Variants in CHRNA2 observed in about 807,000 individuals in gnomAD.
The protein encoded by CHRNA2 is cholinergic receptor nicotinic alpha 2 subunit, also known as neuronal acetylcholine receptor subunit alpha-2.
CHRNA2 carries 40 observed loss-of-function variants against 45.5 expected under a neutral mutation model. The observed-to-expected ratio is 0.88, with a 90% CI of 0.68 to 1.15. CHRNA2 has a LOEUF of 1.15. CHRNA2 is among the 50% of genes most tolerant of loss of function. CHRNA2 has a pLI of 0.00. For missense variants in CHRNA2, 655 were observed against 701.7 expected (o/e 0.93, Z 0.75); for synonymous variants, 301 against 296.7 (o/e 1.01, Z -0.15).
intron 1 of CHRNA2, among the ~76,000 whole-genome samples, chr8:27,472,996 A>G (rs1228013948): frequency 6.6e-6 from 1 of 152,208 alleles, no homozygotes; most frequent in Non-Finnish European, 1.5e-5. Context: ...TTCATATGAA[A>G]TGAATGTTTC....
At chr8:27,475,043 G>A (rs755985024) in intron 1 of CHRNA2, among the ~76,000 whole-genome samples, 1 of 152,180 alleles carries the variant, frequency 6.6e-6, no homozygotes, top group Non-Finnish European at 1.5e-5. Flanking sequence ...ATCTCTGGGC[G>A]CAGGAATTAG....
intron 3 of CHRNA2, 105 bp from the exon 4 acceptor site, chr8:27,469,484 A>G (rs896674589): frequency 1.0e-5 from 13 of 1,249,402 alleles, no homozygotes; most frequent in African/African-American, 1.5e-5. Flanking sequence ...AGGACACCCC[A>G]AGCCCAGCCC....
At chr8:27,473,529 C>CA (rs112339518) in intron 1 of CHRNA2, among the ~76,000 whole-genome samples, 3 of 123,328 alleles carry the variant, frequency 2.4e-5, no homozygotes, top group Non-Finnish European at 3.6e-5. Context: ...GTGAGACCCC[C>CA]CCCGCCGTCT....
intron 6 of CHRNA2, among the ~76,000 whole-genome samples, 199 bp downstream of exon 6, chr8:27,462,780 C>A (rs1812537160): frequency 6.6e-6 from 1 of 152,222 alleles, no homozygotes; most frequent in Admixed American, 6.5e-5. Flanking sequence ...GTGTAACATG[C>A]CACGTGCCAA....
chr8:27,466,209 G>A (rs2322580), intron 5 of CHRNA2, among the ~76,000 whole-genome samples: 1 of 151,912 alleles, frequency 6.6e-6, no homozygotes, highest in Admixed American at 6.6e-5. Context: ...GTGCAAGGGC[G>A]TAGTTCTGAC....
intron 1 of CHRNA2, among the ~76,000 whole-genome samples, chr8:27,472,490 G>C (rs1459892081): frequency 6.6e-6 from 1 of 152,198 alleles, no homozygotes; most frequent in Admixed American, 6.5e-5. Flanking sequence ...ACATCTTTGG[G>C]GGGTCACAGA....
chr8:27,474,068 C>G (rs1403372932), intron 1 of CHRNA2, among the ~76,000 whole-genome samples: 1 of 152,148 alleles, frequency 6.6e-6, no homozygotes, highest in South Asian at 2.1e-4. Context: ...CGGGAGCAAA[C>G]GGGATCACTT....
intron 1 of CHRNA2, among the ~76,000 whole-genome samples, chr8:27,476,549 T>C (rs1319899338): frequency 6.6e-6 from 1 of 152,242 alleles, no homozygotes; most frequent in Non-Finnish European, 1.5e-5. Flanking sequence ...TTTTTTTCTC[T>C]GCTCTCCGCA....
rs779197511 is a variant in CHRNA2, at chr8:27,463,543, G to A, written c.900C>T (p.Cys300=). The change falls in exon 6 of 7, where the codon TGC becomes TGT. Residue 300 remains cysteine (C), a synonymous_variant. Transcript: ENST00000407991. The surrounding 1 kb of genome is among the most constrained non-coding windows in gnomAD (Gnocchi z 6.1). ...CGGTGAGTGACAGCAGCACCGAAATGCACAGCGTGATCTTCTCGCCGCAGT... is the reference window on the plus strand; with the variant it reads ...CGGTGAGTGACAGCAGCACCGAAATACACAGCGTGATCTTCTCGCCGCAGT... ...PSDCGEKITL[C]ISVLLSLTVF... The A allele has an allele frequency of 1.2e-5, 20 of 1,614,114 alleles. No homozygotes were observed. The highest frequency in any genetic ancestry group is 1.7e-5 in the Non-Finnish European group (20 of 1,180,056).
intron 2 of CHRNA2, 163 bp from the exon 3 acceptor site, chr8:27,470,144 C>A: frequency 1.4e-6 from 1 of 711,914 alleles, no homozygotes; most frequent in South Asian, 1.6e-5. Context: ...GGTCGGAGCT[C>A]AGGAAAGGTC....
chr8:27,461,776 G>C lies in CHRNA2; in HGVS notation c.1465-22C>G, dbSNP rs372045876. On this transcript the variant is annotated intron_variant, in intron 6 of 6. Transcript: ENST00000407991. ...TCACCTGTGGGGAAGACAGCACACA[G>C]TGACAGGGGCCAGGCCTGGGAAAGG... The C allele has an allele frequency of 2.0e-5, 32 of 1,613,972 alleles. No individual in the cohort carries two copies. In the African/African-American group the frequency reaches 3.9e-4, roughly 19 times the overall value.
Position 27,467,270 on chromosome 8 carries a change from A to G in CHRNA2, c.408T>C (p.Pro136=). ...TGTCGGGGATCCAGATCATCTCAGAAGGGACCCTGAGAGATGTGATGTTGC... is the reference window on the plus strand; with the variant it reads ...TGTCGGGGATCCAGATCATCTCAGAGGGGACCCTGAGAGATGTGATGTTGC... The part of the protein sequence containing the change: ...DFGNITSLRV[P]SEMIWIPDIV... The change falls in exon 5 of 7, where the codon CCT becomes CCC. Residue 136 remains proline, a synonymous_variant. Transcript: ENST00000407991. 1 of 1,614,008 alleles carries G rather than the reference A, an allele frequency of 6.2e-7. No individual in the cohort carries two copies. Among genetic ancestry groups the G allele is most frequent in the Non-Finnish European group, 8.5e-7 (1 of 1,179,852 alleles).
At position 27,460,293 on chromosome 8, in the gene CHRNA2, CTG is replaced by C. The variant is rs1223631253; in HGVS notation, c.*1334_*1335del. On this transcript the variant is annotated 3_prime_UTR_variant, in exon 7 of 7. Transcript: ENST00000407991. The stretch of plus-strand genomic sequence containing the variant: ...CTGGGATCCTGGGTGCAGCCTCAGA[CTG>C]TGGGGTGGTGCATTGCATTCCAAGG... 1.3e-5 allele frequency: 2 copies of C among 152,254 alleles called. No homozygotes were observed. Among genetic ancestry groups the C allele is most frequent in the Non-Finnish European group, 2.9e-5 (2 of 68,138 alleles). The allele number at this position is 152,254 out of a possible 1,614,324, so 9.4% of individuals were successfully genotyped here.
At chr8:27,468,004 G>A (rs928592026) in intron 4 of CHRNA2, among the ~76,000 whole-genome samples, 1 of 152,178 alleles carries the variant, frequency 6.6e-6, no homozygotes, top group African/African-American at 2.4e-5. Context: ...CATCTGTCAA[G>A]TTTTCAGGTC....
chr8:27,467,521 C>A, intron 4 of CHRNA2, 183 bp from the exon 5 acceptor site: 1 of 589,056 alleles, frequency 1.7e-6, no homozygotes. Context: ...AGCAAGTAAC[C>A]AACCTTCTCG....
intron 1 of CHRNA2, among the ~76,000 whole-genome samples, chr8:27,472,950 A>G (rs1301191220): frequency 6.6e-6 from 1 of 152,242 alleles, no homozygotes; most frequent in Non-Finnish European, 1.5e-5. Context: ...AGTGACCAGA[A>G]GGACACAGAT....
intron 6 of CHRNA2, among the ~76,000 whole-genome samples, chr8:27,462,526 T>C (rs1339336877): frequency 1.3e-5 from 2 of 151,986 alleles, no homozygotes; most frequent in African/African-American, 4.8e-5. Context: ...GTTTGCAAGA[T>C]CCTCAGGAGC....
In CHRNA2 at chr8:27,469,930, G is replaced by C; in HGVS notation, c.125C>G (p.Ser42Cys). 1 of 1,614,162 alleles carries C rather than the reference G, an allele frequency of 6.2e-7. No homozygotes were observed. The highest frequency in any genetic ancestry group is 1.1e-5 in the South Asian group (1 of 91,086). ...CGGCAATGCCGTGGGACTGGGAGAG[G>C]AGAGTGGGTCTCCAGGAGCCCTGGG... ...PPPRAPGDPLSSPSPTALPQG... is the reference protein window; with the variant it reads ...PPPRAPGDPLCSPSPTALPQG... The change falls in exon 3 of 7, where the codon TCC becomes TGC. Residue 42 changes from serine (S) to cysteine (C), a missense_variant. Physicochemically the swap from Ser to Cys is moderately radical, Grantham distance 112. Transcript: ENST00000407991.
intron 1 of CHRNA2, among the ~76,000 whole-genome samples, chr8:27,477,574 C>T (rs115812837): frequency 0.019 from 2,858 of 152,238 alleles, 86 homozygotes; most frequent in African/African-American, 0.066. Flanking sequence ...CTCAAACCTG[C>T]ATCCCCTGTG....
Sources: allele counts gnomAD v4.1 joint callset (sites outside exome capture counted in the v4.1 genomes callset), GRCh38; gene constraint gnomAD v4.1.1; non-coding constraint Gnocchi (gnomAD v3.1); transcripts MANE v1.5; gene names NCBI Gene and HGNC (gene_info 2026-07-23, HGNC 2026-07-21).